CAP2: variants seen among roughly 807,000 people sequenced by gnomAD.
CAP2 encodes the protein cyclase associated actin cytoskeleton regulatory protein 2.
Under a neutral mutation model 57.7 loss-of-function variants are expected in CAP2, and 24 were observed. The observed-to-expected ratio is 0.42, with a 90% CI of 0.30 to 0.58. The LOEUF (loss-of-function observed/expected upper bound fraction) is 0.58, where lower values mean the gene tolerates loss of function less well. Ranked by LOEUF, CAP2 falls within the 20% of genes least tolerant of loss-of-function variation. CAP2 has a pLI of 0.22. For missense variants in CAP2, 501 were observed against 590.3 expected (o/e 0.85, Z 1.57); for synonymous variants, 194 against 207.2 (o/e 0.94, Z 0.55).
chr6:17,496,340 T>C (rs1037569013), intron 4 of CAP2, among the ~76,000 whole-genome samples: 2 of 152,206 alleles, frequency 1.3e-5, no homozygotes, highest in African/African-American at 2.4e-5. Flanking sequence ...TCTTGTTCAG[T>C]ATTCTGAAGT....
intron 4 of CAP2, among the ~76,000 whole-genome samples, chr6:17,492,179 C>G (rs980919301): frequency 6.6e-6 from 1 of 152,210 alleles, no homozygotes; most frequent in Non-Finnish European, 1.5e-5. Context: ...CTTCTATAAT[C>G]AACCATGGGA....
intron 2 of CAP2, among the ~76,000 whole-genome samples, chr6:17,425,290 G>T (rs1027658826): frequency 5.3e-5 from 8 of 152,162 alleles, no homozygotes; most frequent in Non-Finnish European, 1.0e-4. Flanking sequence ...AAAAGGCAGG[G>T]AAGGAAATGC....
At chr6:17,443,382 G>A (rs1027133552) in intron 3 of CAP2, among the ~76,000 whole-genome samples, 14 of 152,114 alleles carry the variant, frequency 9.2e-5, no homozygotes, top group Admixed American at 8.5e-4. Flanking sequence ...CCTACTTGCC[G>A]TCTTTCTAAA....
intron 3 of CAP2, among the ~76,000 whole-genome samples, chr6:17,458,072 T>C (rs1297839237): frequency 6.6e-6 from 1 of 152,194 alleles, no homozygotes; most frequent in Non-Finnish European, 1.5e-5. Context: ...TATTTGGAAA[T>C]GTGGTCATTA....
intron 7 of CAP2, among the ~76,000 whole-genome samples, chr6:17,517,051 C>G (rs1481573579): frequency 2.0e-5 from 3 of 152,170 alleles, no homozygotes; most frequent in Middle Eastern, 3.4e-3. Context: ...TTTATGTAGA[C>G]TAATTGGAAT....
chr6:17,546,809 T>C (rs1763058218), intron 11 of CAP2, among the ~76,000 whole-genome samples: 1 of 152,096 alleles, frequency 6.6e-6, no homozygotes, highest in South Asian at 2.1e-4. Context: ...CTATTCAACA[T>C]AGTGTTGGAA....
At chr6:17,438,182 A>G (rs1759953926) in intron 3 of CAP2, among the ~76,000 whole-genome samples, 1 of 150,726 alleles carries the variant, frequency 6.6e-6, no homozygotes, top group Non-Finnish European at 1.5e-5. Flanking sequence ...CTTGGCCAAC[A>G]TGGTGAAACC....
intron 7 of CAP2, among the ~76,000 whole-genome samples, chr6:17,529,908 C>T (rs992344369): frequency 1.3e-5 from 2 of 151,726 alleles, no homozygotes; most frequent in Non-Finnish European, 2.9e-5. Flanking sequence ...TCAGTTGTCA[C>T]TTTGGGAGGC....
At chr6:17,517,105 C>G (rs1028430022) in intron 7 of CAP2, among the ~76,000 whole-genome samples, 1 of 152,096 alleles carries the variant, frequency 6.6e-6, no homozygotes, top group Non-Finnish European at 1.5e-5. Flanking sequence ...TGTTGTACAG[C>G]CATGTATCAT....
intron 4 of CAP2, among the ~76,000 whole-genome samples, chr6:17,503,549 A>T (rs553566851): frequency 1.3e-5 from 2 of 148,876 alleles, no homozygotes; most frequent in East Asian, 4.0e-4. Context: ...GGTTGCAGTG[A>T]GCCAAGATCG....
At chr6:17,462,173 C>T (rs967126930) in intron 3 of CAP2, among the ~76,000 whole-genome samples, 2 of 151,904 alleles carry the variant, frequency 1.3e-5, no homozygotes, top group Admixed American at 6.6e-5. Context: ...CCAGGTGGGG[C>T]CCCCTCTACC....
intron 1 of CAP2, among the ~76,000 whole-genome samples, chr6:17,417,963 G>A (rs182509211): frequency 1.0e-3 from 157 of 152,262 alleles, no homozygotes; most frequent in African/African-American, 3.6e-3. Flanking sequence ...TACCCTATGA[G>A]TTTCCTCAAC....
intron 7 of CAP2, among the ~76,000 whole-genome samples, chr6:17,533,005 C>T (rs1023167370): frequency 9.2e-5 from 13 of 141,346 alleles, no homozygotes; most frequent in African/African-American, 3.2e-4. Context: ...GTGAAGGTTG[C>T]GGTGAGCCGA....
chr6:17,492,173 T>C (rs556736762), intron 4 of CAP2, among the ~76,000 whole-genome samples: 1 of 152,368 alleles, frequency 6.6e-6, no homozygotes, highest in East Asian at 1.9e-4. Context: ...AGAAATCTTC[T>C]ATAATCAACC....
At chr6:17,424,889 G>C (rs987881654) in intron 2 of CAP2, among the ~76,000 whole-genome samples, 1 of 152,162 alleles carries the variant, frequency 6.6e-6, no homozygotes, top group Non-Finnish European at 1.5e-5. Flanking sequence ...ATCCCCGCTC[G>C]GGCCTCTTCC....
At chr6:17,401,424 C>T (rs1205483937) in intron 1 of CAP2, among the ~76,000 whole-genome samples, 2 of 152,196 alleles carry the variant, frequency 1.3e-5, no homozygotes, top group African/African-American at 2.4e-5. Flanking sequence ...CTGAAAGAAA[C>T]TAACATAGTA....
intron 12 of CAP2, among the ~76,000 whole-genome samples, chr6:17,555,907 A>C (rs1763294175): frequency 6.6e-6 from 1 of 152,116 alleles, no homozygotes; most frequent in Non-Finnish European, 1.5e-5. Flanking sequence ...ATTCATGTGC[A>C]TGTTAAAGTT....
At chr6:17,402,695 C>T (rs1285487268) in intron 1 of CAP2, among the ~76,000 whole-genome samples, 1 of 152,170 alleles carries the variant, frequency 6.6e-6, no homozygotes, top group African/African-American at 2.4e-5. Flanking sequence ...CTGGCTTCTT[C>T]CACAATGGGA....
chr6:17,524,074 CAAAAAAAAAA>C (rs10523029), intron 7 of CAP2, among the ~76,000 whole-genome samples: 9 of 118,934 alleles, frequency 7.6e-5, no homozygotes, highest in East Asian at 2.7e-4. Context: ...GACTCTGTCT[CAAAAAAAAAA>C]AAAAAAAAAA....
Sources: gnomAD v4.1 joint callset for allele counts (sites outside exome capture counted in the v4.1 genomes callset) on GRCh38, gnomAD v4.1.1 for gene constraint, MANE v1.5 for transcripts, NCBI Gene and HGNC (gene_info 2026-07-23, HGNC 2026-07-21) for gene names.